The following PPARGC1A variants were observed in gnomAD, a reference collection of about 807,000 sequenced individuals.
The protein encoded by PPARGC1A is peroxisome proliferator-activated receptor gamma coactivator 1-alpha.
PPARGC1A carries 25 observed loss-of-function variants against 88.7 expected under a neutral mutation model. That is an observed-to-expected ratio of 0.28 (90% confidence interval 0.21 to 0.39). The LOEUF is 0.39. Ranked by LOEUF, PPARGC1A falls within the 10% of genes least tolerant of loss-of-function variation. The pLI is 1.00. For missense variants in PPARGC1A, 880 were observed against 968.7 expected (o/e 0.91, Z 1.22); for synonymous variants, 363 against 355.6 (o/e 1.02, Z -0.24).
At chr4:24,356,170 C>G in the PPARGC1A span, among the ~76,000 whole-genome samples, 1 of 150,038 alleles carries the variant, frequency 6.7e-6, no homozygotes, top group South Asian at 2.1e-4. Context: ...GTACTCCAGC[C>G]TGGGCGACAG....
At chr4:23,925,508 C>T in the PPARGC1A span, among the ~76,000 whole-genome samples, 2 of 152,114 alleles carry the variant, frequency 1.3e-5, no homozygotes, top group Non-Finnish European at 2.9e-5. Context: ...GTGCTAGACT[C>T]TAGTTTATAA....
At chr4:24,334,157 G>A in the PPARGC1A span, among the ~76,000 whole-genome samples, 1 of 151,966 alleles carries the variant, frequency 6.6e-6, no homozygotes, top group African/African-American at 2.4e-5. Flanking sequence ...TTTCTAACAG[G>A]AAAATTGGCA....
the PPARGC1A span, among the ~76,000 whole-genome samples, chr4:24,124,503 G>A: frequency 1.3e-5 from 2 of 152,128 alleles, no homozygotes; most frequent in Non-Finnish European, 2.9e-5. Flanking sequence ...GACAGTCTAT[G>A]GCATGACCTG....
chr4:23,951,941 C>T, the PPARGC1A span, among the ~76,000 whole-genome samples: 1 of 152,206 alleles, frequency 6.6e-6, no homozygotes, highest in Admixed American at 6.5e-5. Flanking sequence ...TGGAAAGTGT[C>T]TGTAGATTGA....
chr4:24,422,799 G>A, the PPARGC1A span, among the ~76,000 whole-genome samples: 1 of 152,056 alleles, frequency 6.6e-6, no homozygotes, highest in Non-Finnish European at 1.5e-5. Flanking sequence ...TGAAACAATG[G>A]GTAGGCTCTG....
At chr4:24,089,282 G>C in the PPARGC1A span, among the ~76,000 whole-genome samples, 3 of 152,060 alleles carry the variant, frequency 2.0e-5, no homozygotes, top group Non-Finnish European at 4.4e-5. Flanking sequence ...GGACAGCCTT[G>C]GTGTCAACTG....
At chr4:23,968,698 T>A in the PPARGC1A span, among the ~76,000 whole-genome samples, 2 of 152,140 alleles carry the variant, frequency 1.3e-5, no homozygotes, top group African/African-American at 4.8e-5. Context: ...GAGGATCACC[T>A]GAGGTCAGGA....
the PPARGC1A span, among the ~76,000 whole-genome samples, chr4:24,133,882 C>T: frequency 1.3e-5 from 2 of 152,050 alleles, no homozygotes; most frequent in Admixed American, 6.6e-5. Context: ...TGAGGTTTAC[C>T]CTTAAATCCT....
chr4:24,173,656 C>T, the PPARGC1A span, among the ~76,000 whole-genome samples: 1 of 152,318 alleles, frequency 6.6e-6, no homozygotes, highest in Admixed American at 6.5e-5. Context: ...TCGTGAGGAG[C>T]ATATTACAGC....
At chr4:23,981,013 T>C in the PPARGC1A span, among the ~76,000 whole-genome samples, 1 of 152,096 alleles carries the variant, frequency 6.6e-6, no homozygotes, top group Admixed American at 6.5e-5. Flanking sequence ...AGTTTTCTAA[T>C]ATGTAATTTC....
chr4:24,033,166 C>T, the PPARGC1A span, among the ~76,000 whole-genome samples: 15 of 152,072 alleles, frequency 9.9e-5, no homozygotes, highest in African/African-American at 3.6e-4. Context: ...GTCCCAAGTC[C>T]ACCACTGATT....
At chr4:23,935,425 C>T in the PPARGC1A span, among the ~76,000 whole-genome samples, 24 of 152,142 alleles carry the variant, frequency 1.6e-4, no homozygotes, top group Non-Finnish European at 2.5e-4. Flanking sequence ...CAAATGTCCA[C>T]GGATTTCTGG....
the PPARGC1A span, among the ~76,000 whole-genome samples, chr4:24,103,378 G>C: frequency 2.0e-5 from 3 of 151,934 alleles, no homozygotes; most frequent in African/African-American, 7.3e-5. Flanking sequence ...CCCAGATGCT[G>C]ATAATATAGA....
chr4:23,800,588 G>C (rs1397947906), intron 12 of PPARGC1A, among the ~76,000 whole-genome samples: 1 of 150,484 alleles, frequency 6.6e-6, no homozygotes, highest in Non-Finnish European at 1.5e-5. Context: ...AGTAGAATTT[G>C]GAAGTTTATA....
chr4:23,870,890 C>G (rs61516849), intron 2 of PPARGC1A, among the ~76,000 whole-genome samples: 421 of 150,418 alleles, frequency 2.8e-3, no homozygotes, highest in African/African-American at 9.7e-3. Context: ...AAAGATGTAG[C>G]TGGAAATAAA....
chr4:24,076,282 A>T, the PPARGC1A span, among the ~76,000 whole-genome samples: 1 of 152,168 alleles, frequency 6.6e-6, no homozygotes, highest in Admixed American at 6.5e-5. Context: ...TAGATGAAGC[A>T]GCTTGCCCAA....
At chr4:24,448,792 C>T in the PPARGC1A span, among the ~76,000 whole-genome samples, 2 of 152,112 alleles carry the variant, frequency 1.3e-5, no homozygotes, top group Non-Finnish European at 2.9e-5. Flanking sequence ...CCATTGAAAC[C>T]ATGCCTATCA....
At chr4:24,012,077 C>A in the PPARGC1A span, among the ~76,000 whole-genome samples, 2 of 152,058 alleles carry the variant, frequency 1.3e-5, no homozygotes, top group African/African-American at 2.4e-5. Flanking sequence ...CTCATAGGAG[C>A]GCCTATAATA....
chr4:23,900,861 T>A (rs889217881), upstream of PPARGC1A, among the ~76,000 whole-genome samples: 1 of 152,208 alleles, frequency 6.6e-6, no homozygotes, highest in Non-Finnish European at 1.5e-5. Context: ...AAGAAAACAG[T>A]TTTTGTTTCC....
Sources: gnomAD v4.1 joint callset for allele counts (sites outside exome capture counted in the v4.1 genomes callset) on GRCh38, gnomAD v4.1.1 for gene constraint, MANE v1.5 for transcripts, NCBI Gene and HGNC (gene_info 2026-07-23, HGNC 2026-07-21) for gene names.